The following ATXN1 variants were observed in gnomAD, a reference collection of about 807,000 sequenced individuals.
ATXN1 encodes the protein ataxin 1.
Under a neutral mutation model 56.4 loss-of-function variants are expected in ATXN1, and 8 were observed. The ratio of observed to expected loss-of-function variants is 0.14; its 90% CI spans 0.08 to 0.26. ATXN1 has a LOEUF of 0.26. ATXN1 is among the 10% of genes least tolerant of loss of function. The pLI, the probability that ATXN1 is intolerant of heterozygous loss-of-function variation, is 1.00. For synonymous variants in ATXN1, 514 were observed against 494.6 expected (o/e 1.04, Z -0.52); for missense variants, 987 against 1,106.5 (o/e 0.89, Z 1.53).
chr6:16,625,836 A>G (rs1044016181), intron 3 of ATXN1, among the ~76,000 whole-genome samples: 1 of 152,172 alleles, frequency 6.6e-6, no homozygotes, highest in Non-Finnish European at 1.5e-5. Context: ...TTGGAATGAG[A>G]ATAGTGATCT....
chr6:16,609,858 GA>G (rs1414628826), intron 3 of ATXN1, among the ~76,000 whole-genome samples: 1 of 152,056 alleles, frequency 6.6e-6, no homozygotes, highest in Non-Finnish European at 1.5e-5. Context: ...GAAGGAGGAG[GA>G]AAAAGAAGGG....
At chr6:16,426,169 A>C (rs1204634102) in intron 6 of ATXN1, among the ~76,000 whole-genome samples, 1 of 152,162 alleles carries the variant, frequency 6.6e-6, no homozygotes. Context: ...ACAGAAGGCA[A>C]TATTGCTTGA....
chr6:16,703,905 G>C (rs1247917869), intron 2 of ATXN1, among the ~76,000 whole-genome samples: 1 of 152,194 alleles, frequency 6.6e-6, no homozygotes, highest in African/African-American at 2.4e-5. Context: ...TGTAATCCCA[G>C]CTACCCGGGA....
chr6:16,750,994 A>C (rs1291189630), intron 2 of ATXN1, among the ~76,000 whole-genome samples: 1 of 128,566 alleles, frequency 7.8e-6, no homozygotes, highest in African/African-American at 3.0e-5. Context: ...TTTGAGATGG[A>C]GTCTCACTCT....
intron 6 of ATXN1, among the ~76,000 whole-genome samples, chr6:16,353,880 C>T (rs6942078): frequency 0.011 from 1,726 of 152,316 alleles, 33 homozygotes; most frequent in African/African-American, 0.039. Flanking sequence ...TAAAAATACA[C>T]ATCCTCTGTA....
intron 3 of ATXN1, among the ~76,000 whole-genome samples, chr6:16,624,469 T>C (rs1337449462): frequency 1.3e-5 from 2 of 152,148 alleles, no homozygotes; most frequent in African/African-American, 4.8e-5. Context: ...GTCAATTTTA[T>C]AGTGTATGCC....
chr6:16,724,875 G>C (rs1759816661), intron 2 of ATXN1, among the ~76,000 whole-genome samples: 1 of 152,260 alleles, frequency 6.6e-6, no homozygotes, highest in South Asian at 2.1e-4. Context: ...GCAGCACACA[G>C]GTGGCACCTA....
At chr6:16,731,449 C>CTTTTT (rs1250658347) in intron 2 of ATXN1, among the ~76,000 whole-genome samples, 7 of 41,064 alleles carry the variant, frequency 1.7e-4, no homozygotes, top group South Asian at 8.6e-4. Flanking sequence ...CTTTTTTTTT[C>CTTTTT]TTTTCTTTTT....
chr6:16,422,287 C>T (rs746051909), intron 6 of ATXN1, among the ~76,000 whole-genome samples: 2 of 152,178 alleles, frequency 1.3e-5, no homozygotes, highest in Non-Finnish European at 2.9e-5. Flanking sequence ...GTGGGTTCAC[C>T]GTGGCGCAGG....
At chr6:16,726,196 C>T (rs1226060222) in intron 2 of ATXN1, among the ~76,000 whole-genome samples, 1 of 152,090 alleles carries the variant, frequency 6.6e-6, no homozygotes, top group Non-Finnish European at 1.5e-5. Context: ...GCCTGGCCAA[C>T]ATGGCAAAAC....
intron 6 of ATXN1, among the ~76,000 whole-genome samples, chr6:16,347,613 T>A (rs796110596): frequency 1.9e-3 from 281 of 146,546 alleles, no homozygotes; most frequent in African/African-American, 6.0e-3. Flanking sequence ...ACACTCTGTA[T>A]CTAGCTACTC....
At chr6:16,341,317 C>T (rs191452916) in intron 6 of ATXN1, among the ~76,000 whole-genome samples, 49 of 152,262 alleles carry the variant, frequency 3.2e-4, no homozygotes, top group South Asian at 6.2e-4. Flanking sequence ...GGGCCATACT[C>T]TCTCACCTGC....
chr6:16,478,629 A>G (rs1489401563), intron 6 of ATXN1, among the ~76,000 whole-genome samples: 1 of 152,182 alleles, frequency 6.6e-6, no homozygotes, highest in Non-Finnish European at 1.5e-5. Context: ...CTGCAGGGTG[A>G]GTTTTACAAT....
intron 4 of ATXN1, among the ~76,000 whole-genome samples, chr6:16,542,475 G>C (rs1254958752): frequency 6.6e-6 from 1 of 152,128 alleles, no homozygotes. Flanking sequence ...TGCTCCCGGA[G>C]CCCTTCCCTG....
At chr6:16,625,191 T>G (rs1695699078) in intron 3 of ATXN1, among the ~76,000 whole-genome samples, 1 of 152,206 alleles carries the variant, frequency 6.6e-6, no homozygotes, top group Non-Finnish European at 1.5e-5. Context: ...TCTCTATGAT[T>G]CTATAATGAA....
intron 4 of ATXN1, among the ~76,000 whole-genome samples, chr6:16,585,110 G>A (rs1762599752): frequency 6.6e-6 from 1 of 151,850 alleles, no homozygotes; most frequent in Admixed American, 6.6e-5. Context: ...GCATGGTGAT[G>A]TGCACCTGTA....
intron 4 of ATXN1, among the ~76,000 whole-genome samples, chr6:16,556,028 T>C (rs947228638): frequency 2.6e-5 from 4 of 152,340 alleles, no homozygotes; most frequent in African/African-American, 9.6e-5. Flanking sequence ...AGAATCAACA[T>C]ATAAACATGT....
chr6:16,334,280 G>A (rs1761062368), intron 6 of ATXN1, among the ~76,000 whole-genome samples: 1 of 152,122 alleles, frequency 6.6e-6, no homozygotes, highest in Non-Finnish European at 1.5e-5. Context: ...GCCTGCCCTT[G>A]GTTTCAACAG....
At chr6:16,390,647 G>A (rs1758333544) in intron 6 of ATXN1, among the ~76,000 whole-genome samples, 1 of 149,506 alleles carries the variant, frequency 6.7e-6, no homozygotes, top group Admixed American at 6.7e-5. Flanking sequence ...CGAAAAACAA[G>A]ACAACATAGA....
Sources: allele counts gnomAD v4.1 joint callset (sites outside exome capture counted in the v4.1 genomes callset), GRCh38; gene constraint gnomAD v4.1.1; transcripts MANE v1.5; gene names NCBI Gene and HGNC (gene_info 2026-07-23, HGNC 2026-07-21).